Variants in FBRSL1 observed in about 807,000 individuals in gnomAD.
The protein encoded by FBRSL1 is fibrosin-1-like protein.
FBRSL1 carries 51 observed loss-of-function variants against 89.6 expected under a neutral mutation model. The ratio of observed to expected loss-of-function variants is 0.57; its 90% CI spans 0.45 to 0.72. The LOEUF (loss-of-function observed/expected upper bound fraction) is 0.72. FBRSL1 is among the 30% of genes least tolerant of loss of function. The probability of loss-of-function intolerance (pLI) is 0.00; values close to 1 mark genes in which losing one functional copy is unlikely to be tolerated. For missense variants in FBRSL1, 1,618 were observed against 1,451.8 expected (o/e 1.11, Z -1.86); for synonymous variants, 779 against 681.1 (o/e 1.14, Z -2.24).
chr12:132,506,348 T>G (rs1465012638), intron 1 of FBRSL1, among the ~76,000 whole-genome samples: 1 of 152,228 alleles, frequency 6.6e-6, no homozygotes, highest in African/African-American at 2.4e-5. Context: ...TGCGTCCTTC[T>G]GGCCAGCTGT....
At chr12:132,565,258 G>T (rs920140554) in intron 5 of FBRSL1, 12 of 152,220 alleles carry the variant, frequency 7.9e-5, no homozygotes, top group Admixed American at 7.9e-4. Flanking sequence ...AAAAGTATGA[G>T]TTTAAGCCTA....
At chr12:132,574,288 C>A in intron 12 of FBRSL1, 31 bp from the exon 13 acceptor site, 1 of 1,510,870 alleles carries the variant, frequency 6.6e-7, no homozygotes, top group Non-Finnish European at 8.9e-7. Flanking sequence ...CTGAGGGGCC[C>A]GGACCTCACA....
Position 132,572,385 on chromosome 12 carries a change from G to A in FBRSL1, c.1434+41G>A, listed in dbSNP as rs369517769. The A allele has an allele frequency of 5.0e-5, 77 of 1,545,132 alleles. No homozygotes were observed. In the African/African-American group the frequency reaches 6.2e-4, roughly 12 times the overall value. Reference sequence around the variant, plus strand: ...GGGCCCGGCGCGTGTCGCTGTGCACGCAGGTCCTGGCCACGGGGCGGTGGG... The same window carrying A: ...GGGCCCGGCGCGTGTCGCTGTGCACACAGGTCCTGGCCACGGGGCGGTGGG... On this transcript the variant is annotated intron_variant, in intron 10 of 18. Coordinates refer to ENST00000680143, the MANE Select transcript of FBRSL1 (RefSeq NM_001367871.1).
At chr12:132,548,620 C>T (rs1289213394) in intron 5 of FBRSL1, among the ~76,000 whole-genome samples, 2 of 152,220 alleles carry the variant, frequency 1.3e-5, no homozygotes, top group East Asian at 1.9e-4. Flanking sequence ...CCTTCTGCCC[C>T]GCTTGCCCCA....
intron 5 of FBRSL1, among the ~76,000 whole-genome samples, chr12:132,562,330 G>A (rs1010479893): frequency 1.4e-4 from 21 of 152,096 alleles, no homozygotes; most frequent in Non-Finnish European, 2.5e-4. Flanking sequence ...GGTGGTGGCC[G>A]CAAGGCTGGG....
Position 132,553,594 on chromosome 12 carries a change from G to A in FBRSL1, c.645+5562G>A, listed in dbSNP as rs771756997. 3 of 152,236 alleles carry A rather than the reference G, an allele frequency of 2.0e-5. No homozygotes were observed. In the South Asian group the frequency reaches 6.2e-4, roughly 32 times the overall value. 9.4% of individuals were successfully genotyped at this position (152,236 alleles called of 1,614,324 possible). On this transcript the variant is annotated intron_variant, in intron 5 of 18. Transcript: ENST00000680143. ...GAGGGCACCGGCACAAGGTGCAGAC[G>A]TGTCGGTCCCTTTGAGGACCGAGAT...
Position 132,528,654 on chromosome 12 carries a change from G to T in FBRSL1, c.615+666G>T, listed in dbSNP as rs922034678. On this transcript the variant is annotated intron_variant, in intron 4 of 18. Coordinates refer to ENST00000680143, the MANE Select transcript of FBRSL1 (RefSeq NM_001367871.1). ...GGGGAGCGGGTGTGTTTCAGTGTGT[G>T]CTGTGCCTCCCCGTGGGTGCACGGG... Among the ~76,000 whole-genome samples the T allele has an allele frequency of 3.2e-4, 48 of 152,116 alleles. 1 individual carries two copies. Among genetic ancestry groups the T allele is most frequent in the Non-Finnish European group, 5.6e-4 (38 of 67,986 alleles).
intron 2 of FBRSL1, 36 bp downstream of exon 2, chr12:132,508,386 C>T (rs1421371431): frequency 1.6e-5 from 23 of 1,460,668 alleles, no homozygotes; most frequent in African/African-American, 7.1e-5. Flanking sequence ...AGCTCTGCGG[C>T]GGGTCAGTGC....
chr12:132,510,592 T>C (rs1162240918), intron 2 of FBRSL1: 1 of 1,230,664 alleles, frequency 8.1e-7, no homozygotes, highest in Non-Finnish European at 1.0e-6. Context: ...TAGACAGGGC[T>C]GAGCTGTTTG....
intron 2 of FBRSL1, chr12:132,511,354 C>T (rs2034317851): frequency 9.1e-6 from 9 of 985,704 alleles, no homozygotes; most frequent in Non-Finnish European, 9.6e-6. Flanking sequence ...TACATGTGGT[C>T]GGGCACACCT....
chr12:132,568,611 T>G (rs563402096), intron 6 of FBRSL1, among the ~76,000 whole-genome samples: 4 of 152,370 alleles, frequency 2.6e-5, no homozygotes, highest in African/African-American at 9.6e-5. Context: ...GCCCCGCACG[T>G]GGGGTCTAGT....
intron 4 of FBRSL1, among the ~76,000 whole-genome samples, chr12:132,544,468 A>C (rs1318528190): frequency 2.0e-5 from 3 of 151,916 alleles, no homozygotes; most frequent in East Asian, 1.9e-4. Flanking sequence ...AGACTCTAAA[A>C]CTCCCAGACC....
chr12:132,527,025 G>C (rs960502185), intron 3 of FBRSL1, among the ~76,000 whole-genome samples: 2 of 152,156 alleles, frequency 1.3e-5, no homozygotes, highest in African/African-American at 2.4e-5. Context: ...GGTGTGGGGG[G>C]CCCCTAGCTG....
chr12:132,547,542 G>T (rs2037801114), intron 4 of FBRSL1, among the ~76,000 whole-genome samples: 1 of 152,038 alleles, frequency 6.6e-6, no homozygotes, highest in East Asian at 1.9e-4. Flanking sequence ...GGGGTGCCTG[G>T]ATCTCCCAGC....
At chr12:132,514,590 G>C (rs1244934822) in intron 2 of FBRSL1, among the ~76,000 whole-genome samples, 1 of 152,196 alleles carries the variant, frequency 6.6e-6, no homozygotes, top group Non-Finnish European at 1.5e-5. Context: ...GCTGTGGGGG[G>C]ACTCCGAGGA....
intron 2 of FBRSL1, chr12:132,511,956 T>C: frequency 1.0e-6 from 1 of 984,838 alleles, no homozygotes; most frequent in Non-Finnish European, 1.2e-6. Flanking sequence ...TATAACAGCA[T>C]CAGCGTTTGT....
intron 6 of FBRSL1, 86 bp from the exon 7 acceptor site, chr12:132,569,840 C>A: frequency 2.8e-6 from 3 of 1,058,134 alleles, no homozygotes; most frequent in Non-Finnish European, 3.7e-6. Flanking sequence ...AGCCTGGGCA[C>A]CGGGCACGTA....
chr12:132,541,163 G>A (rs968069753), intron 4 of FBRSL1, among the ~76,000 whole-genome samples: 4 of 150,528 alleles, frequency 2.7e-5, no homozygotes, highest in African/African-American at 7.4e-5. Flanking sequence ...GAGCCTGGGG[G>A]GCACAGCCTC....
intron 4 of FBRSL1, among the ~76,000 whole-genome samples, chr12:132,535,735 G>A (rs2036655532): frequency 6.6e-6 from 1 of 152,278 alleles, no homozygotes; most frequent in African/African-American, 2.4e-5. Flanking sequence ...CCAGCGGTTA[G>A]GAGTCCTGCA....
Sources: gnomAD v4.1 joint callset for allele counts (sites outside exome capture counted in the v4.1 genomes callset) on GRCh38, gnomAD v4.1.1 for gene constraint, MANE v1.5 for transcripts, NCBI Gene and HGNC (gene_info 2026-07-23, HGNC 2026-07-21) for gene names.